The following RCOR3 variants were observed in gnomAD, a reference collection of about 807,000 sequenced individuals.
The protein encoded by RCOR3 is REST corepressor 3.
A neutral mutation model predicts 64.1 loss-of-function variants in RCOR3; 13 were observed. The ratio of observed to expected loss-of-function variants is 0.20; its 90% CI spans 0.13 to 0.32. The LOEUF is 0.32. RCOR3 is among the 10% of genes least tolerant of loss of function. RCOR3 has a pLI of 1.00. For missense variants in RCOR3, 489 were observed against 701.2 expected (o/e 0.70, Z 3.42); for synonymous variants, 215 against 239.0 (o/e 0.90, Z 0.93).
intron 6 of RCOR3, among the ~76,000 whole-genome samples, 162 bp from the exon 7 acceptor site, chr1:211,279,076 A>G (rs1002680238): frequency 6.6e-6 from 1 of 152,048 alleles, no homozygotes; most frequent in Non-Finnish European, 1.5e-5. Flanking sequence ...AATCCCAGCT[A>G]CTTGGGAGAC....
intron 10 of RCOR3, among the ~76,000 whole-genome samples, chr1:211,308,689 T>G (rs1178736545): frequency 5.0e-5 from 3 of 60,314 alleles, no homozygotes; most frequent in African/African-American, 1.0e-4. Flanking sequence ...TTTTTGTTTT[T>G]TTTTTTTTTT....
At chr1:211,265,093 A>G (rs1390361142) in intron 2 of RCOR3, among the ~76,000 whole-genome samples, 3 of 152,238 alleles carry the variant, frequency 2.0e-5, no homozygotes, top group African/African-American at 7.2e-5. Context: ...GGTTTTCAAA[A>G]TACTTTACTT....
chr1:211,308,661 G>GTTTTTTTTTTT (rs780896956), intron 10 of RCOR3, among the ~76,000 whole-genome samples: 2 of 27,494 alleles, frequency 7.3e-5, no homozygotes, highest in African/African-American at 1.1e-4. Context: ...TTTTGGATGT[G>GTTTTTTTTTTT]TTTTTTTTTT....
intron 7 of RCOR3, among the ~76,000 whole-genome samples, chr1:211,283,305 AGCACAGATTGTTTCACCAAAATGC>A (rs1302402275): frequency 6.6e-6 from 1 of 152,246 alleles, no homozygotes; most frequent in African/African-American, 2.4e-5. Flanking sequence ...TGAAGTGCAA[AGCACAGATTGTTTCACCAAAATGC>A]CAACAGTGAT....
Position 211,313,971 on chromosome 1 carries a change from G to A in RCOR3, c.*203G>A. The A allele has an allele frequency of 1.7e-6, 1 of 583,490 alleles. No individual in the cohort carries two copies. The highest frequency in any genetic ancestry group is 2.2e-5 in the South Asian group (1 of 46,376). 36.1% of individuals were successfully genotyped at this position (583,490 alleles called of 1,614,324 possible). ...AATGTTTTACAACAAAAAGCCTCCAGTTAGCCTCCTTTCTAGAGTATATGT... is the reference window on the plus strand; with the variant it reads ...AATGTTTTACAACAAAAAGCCTCCAATTAGCCTCCTTTCTAGAGTATATGT... On this transcript the variant is annotated 3_prime_UTR_variant, in exon 12 of 12. Transcript: ENST00000419091. The surrounding 1 kb of genome is among the most constrained non-coding windows in gnomAD (Gnocchi z 4.7).
At chr1:211,274,076 A>G (rs2102486161) in intron 3 of RCOR3, 134 bp from the exon 4 acceptor site, 1 of 513,026 alleles carries the variant, frequency 1.9e-6, no homozygotes, top group Non-Finnish European at 3.4e-6. Context: ...GTAACATTTC[A>G]TGGGAGGTGC....
rs895182096 is a variant in RCOR3 at position 211,260,616 on chromosome 1, G to A, written c.223+452G>A. ...GAGGCCAGGGCGGCTGTCACCGGCC[G>A]GGGAAGCCAAGGGCGAGCCCTGCCG... On this transcript the variant is annotated intron_variant, in intron 2 of 11. Transcript: ENST00000419091. Among the ~76,000 whole-genome samples the A allele has an allele frequency of 2.6e-5, 4 of 152,348 alleles. No homozygotes were observed. In the East Asian group the frequency reaches 7.7e-4, roughly 29 times the overall value.
intron 7 of RCOR3, among the ~76,000 whole-genome samples, chr1:211,286,224 C>T (rs1424440844): frequency 4.0e-5 from 6 of 151,630 alleles, no homozygotes; most frequent in Admixed American, 3.3e-4. Flanking sequence ...TCCCTTCATT[C>T]GTGTCCTATT....
chr1:211,304,310 C>T (rs1000237133), intron 10 of RCOR3, among the ~76,000 whole-genome samples, 170 bp downstream of exon 10: 4 of 152,158 alleles, frequency 2.6e-5, no homozygotes, highest in Non-Finnish European at 5.9e-5. Flanking sequence ...ATGTGACATA[C>T]TCAAGTCTAT....
intron 8 of RCOR3, among the ~76,000 whole-genome samples, chr1:211,294,066 C>G (rs1204719555): frequency 2.0e-5 from 3 of 152,104 alleles, no homozygotes; most frequent in Non-Finnish European, 4.4e-5. Flanking sequence ...TCTGCTATAA[C>G]TTTTTTTGAA....
intron 9 of RCOR3, chr1:211,303,568 A>G (rs1700590292): frequency 6.6e-6 from 1 of 152,622 alleles, no homozygotes; most frequent in Admixed American, 6.5e-5. Flanking sequence ...TAATATTACC[A>G]TACTGAAAAT....
chr1:211,265,639 A>G (rs534092562), intron 2 of RCOR3, among the ~76,000 whole-genome samples: 14 of 152,176 alleles, frequency 9.2e-5, no homozygotes, highest in Non-Finnish European at 1.6e-4. Flanking sequence ...GAATTGCTTG[A>G]ACCTGGGAGG....
chr1:211,282,965 G>A (rs1170963689), intron 7 of RCOR3, among the ~76,000 whole-genome samples: 1 of 152,046 alleles, frequency 6.6e-6, no homozygotes, highest in Non-Finnish European at 1.5e-5. Flanking sequence ...GAATCATATT[G>A]TATGTATTCT....
At chr1:211,308,677 T>TG (rs1194823348) in intron 10 of RCOR3, among the ~76,000 whole-genome samples, 2 of 38,010 alleles carry the variant, frequency 5.3e-5, no homozygotes, top group East Asian at 9.7e-4. Context: ...TTTTTTGTTT[T>TG]TTTTTTGTTT....
At chr1:211,266,726 CAT>C (rs1289192688) in intron 2 of RCOR3, among the ~76,000 whole-genome samples, 9 of 152,172 alleles carry the variant, frequency 5.9e-5, no homozygotes, top group Middle Eastern at 3.4e-3. Flanking sequence ...ACAAAATAAA[CAT>C]GGGGTTAATG....
At chr1:211,259,865 A>C (rs1693882799) in intron 1 of RCOR3, 139 bp downstream of exon 1, 2 of 1,047,398 alleles carry the variant, frequency 1.9e-6, no homozygotes, top group Non-Finnish European at 2.6e-6. Context: ...CTCCCGGTGC[A>C]GTGCAGCAGC....
Position 211,259,551 on chromosome 1 carries a change from C to T in RCOR3, c.-10C>T, listed in dbSNP as rs759769756. On this transcript the variant is annotated 5_prime_UTR_variant, in exon 1 of 12. Transcript: ENST00000419091. ...TCTTCCCCTCACCTTTCCCCCTCCC[C>T]TGTTCTACCATGCCCGGCATGATGG... is the stretch of plus-strand genomic sequence containing the variant. The T allele has an allele frequency of 2.8e-5, 44 of 1,547,054 alleles. No individual in the cohort carries two copies. The highest frequency in any genetic ancestry group is 2.4e-4 in the Admixed American group (12 of 50,830).
chr1:211,282,663 T>G (rs1697981250), intron 7 of RCOR3, among the ~76,000 whole-genome samples: 1 of 152,132 alleles, frequency 6.6e-6, no homozygotes, highest in African/African-American at 2.4e-5. Flanking sequence ...CATGCCTGGC[T>G]AATTTTTGTA....
intron 9 of RCOR3, chr1:211,301,830 A>G (rs779998881): frequency 9.2e-5 from 14 of 152,066 alleles, no homozygotes; most frequent in Non-Finnish European, 1.8e-4. Context: ...TTCATAATGC[A>G]TGTTTTCTTT....
Sources: allele counts gnomAD v4.1 joint callset (sites outside exome capture counted in the v4.1 genomes callset), GRCh38; gene constraint gnomAD v4.1.1; non-coding constraint Gnocchi (gnomAD v3.1); transcripts MANE v1.5; gene names NCBI Gene and HGNC (gene_info 2026-07-23, HGNC 2026-07-21).